MAP2: variants seen among roughly 807,000 people sequenced by gnomAD.
MAP2 encodes microtubule-associated protein 2.
In MAP2, 14 loss-of-function variants were observed where a neutral mutation model predicts 137.6. The ratio of observed to expected loss-of-function variants is 0.10; its 90% CI spans 0.07 to 0.16. The LOEUF (loss-of-function observed/expected upper bound fraction) is 0.16, where lower values mean the gene tolerates loss of function less well. Ranked by LOEUF, MAP2 falls within the 10% of genes least tolerant of loss-of-function variation. MAP2 has a pLI of 1.00. For synonymous variants in MAP2, 786 were observed against 782.3 expected (o/e 1.00, Z -0.08); for missense variants, 2,088 against 2,191.5 (o/e 0.95, Z 0.94).
intron 13 of MAP2, among the ~76,000 whole-genome samples, chr2:209,713,326 GT>G (rs3831766): frequency 0.1 from 15,629 of 152,140 alleles, 951 homozygotes; most frequent in East Asian, 0.23. Context: ...GTATGTACAG[GT>G]TTTGTGCTTA....
chr2:209,434,030 T>G (rs767991320), intron 1 of MAP2, among the ~76,000 whole-genome samples: 1 of 152,122 alleles, frequency 6.6e-6, no homozygotes, highest in Non-Finnish European at 1.5e-5. Context: ...ATTTTGCTTC[T>G]TAGAGACAAT....
chr2:209,704,965 T>C (rs934477961), intron 11 of MAP2, among the ~76,000 whole-genome samples: 1 of 151,004 alleles, frequency 6.6e-6, no homozygotes, highest in Non-Finnish European at 1.5e-5. Context: ...AATAACAAAT[T>C]ACATTGTATA....
chr2:209,465,980 A>C (rs1179886906), intron 1 of MAP2, among the ~76,000 whole-genome samples: 4 of 152,248 alleles, frequency 2.6e-5, no homozygotes. Flanking sequence ...GAAATGCTGG[A>C]ATTTGTCCTG....
At chr2:209,584,914 G>C (rs1326288951) in intron 3 of MAP2, among the ~76,000 whole-genome samples, 1 of 152,170 alleles carries the variant, frequency 6.6e-6, no homozygotes, top group African/African-American at 2.4e-5. Flanking sequence ...AAGTAGCTGA[G>C]AGCTACACGA....
At position 209,724,405 on chromosome 2, in the gene MAP2, A is replaced by C. The variant is rs535326005; in HGVS notation, c.5074-1304A>C. Among the ~76,000 whole-genome samples the C allele has an allele frequency of 4.6e-5, 7 of 152,272 alleles. No homozygotes were observed. In the East Asian group the frequency reaches 1.4e-3, roughly 29 times the overall value. On this transcript the variant is annotated intron_variant, in intron 13 of 15. Transcript: ENST00000682079. ...GAAGCATGGTTCTTTATAAAACAAG[A>C]ATAGTTTTTCAAAGGTGATCAGGCT...
intron 3 of MAP2, among the ~76,000 whole-genome samples, chr2:209,610,517 T>G (rs1297755705): frequency 6.6e-6 from 1 of 152,156 alleles, no homozygotes; most frequent in Non-Finnish European, 1.5e-5. Flanking sequence ...CGTTATCTTT[T>G]CTGCCAAAAC....
chr2:209,709,215 G>C (rs910138140), intron 12 of MAP2, among the ~76,000 whole-genome samples: 1 of 152,098 alleles, frequency 6.6e-6, no homozygotes, highest in Non-Finnish European at 1.5e-5. Context: ...CAGGTACGAG[G>C]CTCACTGGGA....
At chr2:209,704,064 A>T in intron 11 of MAP2, 1 of 454,598 alleles carries the variant, frequency 2.2e-6, no homozygotes, top group Non-Finnish European at 4.4e-6. Flanking sequence ...CCATCATCCA[A>T]ATAGTGAACA....
chr2:209,460,681 A>G (rs1702561499), intron 1 of MAP2, among the ~76,000 whole-genome samples: 1 of 150,330 alleles, frequency 6.7e-6, no homozygotes, highest in African/African-American at 2.5e-5. Flanking sequence ...ATTTATAACA[A>G]ATTTTCTCTT....
At chr2:209,626,258 A>G (rs949696850) in intron 4 of MAP2, among the ~76,000 whole-genome samples, 1 of 152,126 alleles carries the variant, frequency 6.6e-6, no homozygotes, top group Admixed American at 6.6e-5. Context: ...TACCAAAAAT[A>G]CAAAAAATTA....
chr2:209,672,652 A>C (rs1300994991), intron 5 of MAP2, among the ~76,000 whole-genome samples: 1 of 151,880 alleles, frequency 6.6e-6, no homozygotes, highest in African/African-American at 2.4e-5. Context: ...TGTAAATCAT[A>C]ACAATGTCTA....
intron 2 of MAP2, among the ~76,000 whole-genome samples, chr2:209,555,252 G>A (rs143008018): frequency 6.6e-6 from 1 of 152,202 alleles, no homozygotes; most frequent in African/African-American, 2.4e-5. Flanking sequence ...GGTTTATTTG[G>A]TAGAATTTAT....
At chr2:209,651,578 T>C (rs1238413869) in intron 4 of MAP2, among the ~76,000 whole-genome samples, 1 of 152,194 alleles carries the variant, frequency 6.6e-6, no homozygotes, top group Non-Finnish European at 1.5e-5. Context: ...ATGAGAAAAC[T>C]CTCCTGTGCA....
chr2:209,613,649 T>G (rs2087864142), intron 3 of MAP2, among the ~76,000 whole-genome samples: 1 of 152,180 alleles, frequency 6.6e-6, no homozygotes, highest in Non-Finnish European at 1.5e-5. Flanking sequence ...ACTGAAAGAC[T>G]CAGAGTGGGA....
intron 2 of MAP2, among the ~76,000 whole-genome samples, chr2:209,567,192 C>T (rs1375962231): frequency 6.6e-6 from 1 of 151,958 alleles, no homozygotes; most frequent in Non-Finnish European, 1.5e-5. Flanking sequence ...GGTCAATGTC[C>T]ACAACACAAA....
chr2:209,687,157 T>C (rs2057312428), intron 7 of MAP2, among the ~76,000 whole-genome samples: 1 of 150,780 alleles, frequency 6.6e-6, no homozygotes, highest in Admixed American at 6.7e-5. Flanking sequence ...TAAAAATGAC[T>C]TTCTGGTTAA....
chr2:209,702,113 AG>A (rs1273498746), intron 11 of MAP2, among the ~76,000 whole-genome samples: 2 of 152,056 alleles, frequency 1.3e-5, no homozygotes, highest in African/African-American at 4.8e-5. Flanking sequence ...TTTCAGGAGC[AG>A]ATATAGAAAA....
intron 4 of MAP2, among the ~76,000 whole-genome samples, chr2:209,628,571 A>G (rs950748847): frequency 6.6e-6 from 1 of 152,202 alleles, no homozygotes; most frequent in Non-Finnish European, 1.5e-5. Flanking sequence ...TTGTTCTTCT[A>G]CAGTCTATTG....
At chr2:209,618,720 T>C (rs533716231) in intron 3 of MAP2, among the ~76,000 whole-genome samples, 1 of 152,302 alleles carries the variant, frequency 6.6e-6, no homozygotes, top group South Asian at 2.1e-4. Flanking sequence ...GAGAACAGTT[T>C]GGTGGTTCTT....
Sources: gnomAD v4.1 joint callset for allele counts (sites outside exome capture counted in the v4.1 genomes callset) on GRCh38, gnomAD v4.1.1 for gene constraint, MANE v1.5 for transcripts, NCBI Gene and HGNC (gene_info 2026-07-23, HGNC 2026-07-21) for gene names.